The following RYR3 variants were observed in gnomAD, a reference collection of about 807,000 sequenced individuals.
RYR3 encodes the protein brain ryanodine receptor-calcium release channel.
A neutral mutation model predicts 584.3 loss-of-function variants in RYR3; 207 were observed. That is an observed-to-expected ratio of 0.35 (90% confidence interval 0.32 to 0.40). The LOEUF (loss-of-function observed/expected upper bound fraction) is 0.40, where lower values mean the gene tolerates loss of function less well. Ranked by LOEUF, RYR3 falls within the 10% of genes least tolerant of loss-of-function variation. RYR3 has a pLI of 1.00. For synonymous variants in RYR3, 2,416 were observed against 2,248.5 expected (o/e 1.07, Z -2.11); for missense variants, 5,616 against 6,089.2 (o/e 0.92, Z 2.59).
rs144512077 is a variant in RYR3, at chr15:33,486,434, C to T, written c.171+12896C>T. Reference sequence around the variant, plus strand: ...TGCCTGTACATAGCATTTTGTTGTTCGTATAAAGGACATCAATCACCTTGT... The same window carrying T: ...TGCCTGTACATAGCATTTTGTTGTTTGTATAAAGGACATCAATCACCTTGT... On this transcript the variant is annotated intron_variant, in intron 2 of 103. Coordinates refer to ENST00000634891, the MANE Select transcript of RYR3 (RefSeq NM_001036.6). Among the ~76,000 whole-genome samples the T allele has an allele frequency of 2.5e-3, 380 of 152,088 alleles. 2 individuals carry two copies. The highest frequency in any genetic ancestry group is 8.7e-3 in the African/African-American group (359 of 41,476).
At chr15:33,594,034 A>G (rs996096333) in intron 16 of RYR3, among the ~76,000 whole-genome samples, 2 of 152,316 alleles carry the variant, frequency 1.3e-5, no homozygotes, top group East Asian at 1.9e-4. Context: ...TCAAATACCT[A>G]TGAGTTGGGT....
At chr15:33,452,059 G>A (rs566079976) in intron 1 of RYR3, among the ~76,000 whole-genome samples, 18 of 152,336 alleles carry the variant, frequency 1.2e-4, no homozygotes, top group African/African-American at 3.6e-4. Flanking sequence ...CCAAACAGAC[G>A]TGATAGTGGG....
At chr15:33,514,936 G>A (rs1247322412) in intron 3 of RYR3, among the ~76,000 whole-genome samples, 3 of 151,988 alleles carry the variant, frequency 2.0e-5, no homozygotes, top group East Asian at 1.9e-4. Flanking sequence ...CCCGGGAGGC[G>A]GAGCTTGCAG....
At chr15:33,828,380 T>G (rs1221667164) in intron 85 of RYR3, among the ~76,000 whole-genome samples, 2 of 152,100 alleles carry the variant, frequency 1.3e-5, no homozygotes, top group Non-Finnish European at 2.9e-5. Context: ...AATCAAAAGC[T>G]GGAAATGATT....
intron 3 of RYR3, among the ~76,000 whole-genome samples, chr15:33,511,618 A>G (rs905284079): frequency 6.6e-6 from 1 of 151,014 alleles, no homozygotes; most frequent in Non-Finnish European, 1.5e-5. Context: ...AAAAAAAAAA[A>G]CCACTAGTGC....
chr15:33,413,581 G>A (rs1049849010), intron 1 of RYR3, among the ~76,000 whole-genome samples: 34 of 152,174 alleles, frequency 2.2e-4, no homozygotes, highest in African/African-American at 8.0e-4. Context: ...AAAGAGATAT[G>A]TGGTCTGCAG....
At chr15:33,761,835 T>TG (rs1388847695) in intron 60 of RYR3, among the ~76,000 whole-genome samples, 1 of 152,166 alleles carries the variant, frequency 6.6e-6, no homozygotes, top group Non-Finnish European at 1.5e-5. Flanking sequence ...ATATTCCTGA[T>TG]GAACATCGAT....
chr15:33,792,839 G>C (rs1051929634), intron 67 of RYR3, among the ~76,000 whole-genome samples: 2 of 152,108 alleles, frequency 1.3e-5, no homozygotes, highest in Non-Finnish European at 2.9e-5. Flanking sequence ...CCAAATATGT[G>C]TCAGTTGTCC....
chr15:33,566,390 G>A (rs1429558132), intron 11 of RYR3, among the ~76,000 whole-genome samples: 2 of 152,186 alleles, frequency 1.3e-5, no homozygotes, highest in Non-Finnish European at 2.9e-5. Flanking sequence ...CATGAGGTAT[G>A]TTATCGCCCT....
At chr15:33,775,954 T>C (rs1162817489) in intron 64 of RYR3, among the ~76,000 whole-genome samples, 1 of 152,238 alleles carries the variant, frequency 6.6e-6, no homozygotes, top group Non-Finnish European at 1.5e-5. Flanking sequence ...TTGGTTTTCA[T>C]ATTTTATGGG....
intron 46 of RYR3, 22 bp from the exon 47 acceptor site, chr15:33,728,835 A>G: frequency 6.2e-7 from 1 of 1,601,608 alleles, no homozygotes; most frequent in Non-Finnish European, 8.5e-7. Flanking sequence ...AAGGGAAATT[A>G]CATTTTCTAT....
chr15:33,606,525 A>G (rs1168506089), intron 18 of RYR3, among the ~76,000 whole-genome samples: 1 of 152,196 alleles, frequency 6.6e-6, no homozygotes, highest in Non-Finnish European at 1.5e-5. Flanking sequence ...AGCAGCCTTA[A>G]TAGGCCTTTT....
chr15:33,686,488 A>G (rs1301871378), intron 38 of RYR3, among the ~76,000 whole-genome samples: 1 of 152,224 alleles, frequency 6.6e-6, no homozygotes, highest in African/African-American at 2.4e-5. Context: ...GCCGAATTCT[A>G]CCAGAGGTAC....
At chr15:33,823,779 A>G (rs1020996604) in intron 81 of RYR3, among the ~76,000 whole-genome samples, 3 of 152,224 alleles carry the variant, frequency 2.0e-5, no homozygotes, top group Admixed American at 6.5e-5. Context: ...CTTATTGTCT[A>G]AGATTCATAT....
At chr15:33,613,580 T>C (rs568634086) in intron 19 of RYR3, among the ~76,000 whole-genome samples, 2 of 152,342 alleles carry the variant, frequency 1.3e-5, no homozygotes, top group South Asian at 4.1e-4. Flanking sequence ...TTGTATTATG[T>C]ACTCAGATAA....
At chr15:33,796,689 T>C (rs1027830797) in intron 67 of RYR3, among the ~76,000 whole-genome samples, 6 of 152,230 alleles carry the variant, frequency 3.9e-5, no homozygotes, top group East Asian at 1.9e-4. Flanking sequence ...GAAAACAGTA[T>C]GGAAATTTCT....
intron 29 of RYR3, 34 bp downstream of exon 29, chr15:33,646,560 C>A: frequency 1.9e-6 from 3 of 1,570,778 alleles, no homozygotes; most frequent in South Asian, 1.2e-5. Context: ...CAGAGGCACT[C>A]ATTGTATCTC....
intron 2 of RYR3, among the ~76,000 whole-genome samples, chr15:33,493,731 C>T (rs2051173457): frequency 6.6e-6 from 1 of 152,192 alleles, no homozygotes; most frequent in Non-Finnish European, 1.5e-5. Flanking sequence ...ATTAATCCTT[C>T]CAGAACAAGC....
chr15:33,432,505 A>G (rs2045255360), intron 1 of RYR3, among the ~76,000 whole-genome samples: 1 of 151,840 alleles, frequency 6.6e-6, no homozygotes, highest in Admixed American at 6.6e-5. Flanking sequence ...CCAGGTGACT[A>G]TGAAACGATT....
Sources: allele counts gnomAD v4.1 joint callset (sites outside exome capture counted in the v4.1 genomes callset), GRCh38; gene constraint gnomAD v4.1.1; transcripts MANE v1.5; gene names NCBI Gene and HGNC (gene_info 2026-07-23, HGNC 2026-07-21).